The following CNTN5 variants were observed in gnomAD, a reference collection of about 807,000 sequenced individuals.
The protein encoded by CNTN5 is contactin-5.
Under a neutral mutation model 129.1 loss-of-function variants are expected in CNTN5, and 77 were observed. The observed-to-expected ratio is 0.60, with a 90% CI of 0.50 to 0.72. The LOEUF (loss-of-function observed/expected upper bound fraction) is 0.72. Among genes scored for constraint, CNTN5 ranks in the 30% least tolerant of loss-of-function variants. The pLI is 0.00. For synonymous variants in CNTN5, 509 were observed against 465.6 expected (o/e 1.09, Z -1.20); for missense variants, 1,478 against 1,328.8 (o/e 1.11, Z -1.75).
intron 2 of CNTN5, among the ~76,000 whole-genome samples, chr11:99,482,489 G>A (rs1251954860): frequency 6.6e-6 from 1 of 152,122 alleles, no homozygotes; most frequent in Non-Finnish European, 1.5e-5. Flanking sequence ...AGTTACTTTT[G>A]TATGTAACTT....
intron 1 of CNTN5, among the ~76,000 whole-genome samples, chr11:99,282,160 A>C (rs910499456): frequency 6.6e-6 from 1 of 152,100 alleles, no homozygotes; most frequent in Admixed American, 6.6e-5. Flanking sequence ...ACTCAGTACA[A>C]TTTTTCCTAC....
chr11:99,151,080 T>A (rs1860028730), intron 1 of CNTN5, among the ~76,000 whole-genome samples: 1 of 152,192 alleles, frequency 6.6e-6, no homozygotes, highest in Non-Finnish European at 1.5e-5. Flanking sequence ...ATATTTATAC[T>A]TATTTAGAAG....
intron 13 of CNTN5, among the ~76,000 whole-genome samples, chr11:100,119,215 C>G (rs1004204858): frequency 1.3e-5 from 2 of 151,878 alleles, no homozygotes; most frequent in Non-Finnish European, 2.9e-5. Context: ...CACACGATTG[C>G]TGTATTCTCA....
At chr11:100,044,736 G>A (rs1270331791) in intron 9 of CNTN5, among the ~76,000 whole-genome samples, 1 of 151,352 alleles carries the variant, frequency 6.6e-6, no homozygotes, top group African/African-American at 2.4e-5. Flanking sequence ...TCAGCCCTCT[G>A]TCAGATGCAT....
intron 1 of CNTN5, among the ~76,000 whole-genome samples, chr11:99,032,082 A>C (rs998402050): frequency 2.4e-4 from 36 of 151,904 alleles, no homozygotes; most frequent in African/African-American, 7.5e-4. Context: ...CACGTCCCTA[A>C]AAAGGACATG....
chr11:99,392,065 T>C (rs72987808), intron 2 of CNTN5, among the ~76,000 whole-genome samples: 18 of 152,042 alleles, frequency 1.2e-4, no homozygotes, highest in Admixed American at 2.0e-4. Flanking sequence ...TCTTAGTTAA[T>C]TGTCTGTGAG....
At chr11:99,578,608 T>G (rs1030389392) in intron 3 of CNTN5, among the ~76,000 whole-genome samples, 18 of 149,994 alleles carry the variant, frequency 1.2e-4, no homozygotes, top group Admixed American at 6.0e-4. Context: ...CATGTGTTTT[T>G]TGGCTGCATA....
chr11:100,061,044 T>A (rs1299445909), intron 9 of CNTN5, among the ~76,000 whole-genome samples, 168 bp from the exon 10 acceptor site: 1 of 83,966 alleles, frequency 1.2e-5, no homozygotes, highest in Non-Finnish European at 2.4e-5. Flanking sequence ...ATAATCTACT[T>A]CCCAGACAAC....
At chr11:100,022,456 T>C (rs1941212070) in intron 9 of CNTN5, among the ~76,000 whole-genome samples, 1 of 152,236 alleles carries the variant, frequency 6.6e-6, no homozygotes, top group Non-Finnish European at 1.5e-5. Context: ...GTGTATTTTA[T>C]TCTATTTTAT....
chr11:99,584,645 A>C lies in CNTN5; in HGVS notation c.55+28376A>C, dbSNP rs143866063. On this transcript the variant is annotated intron_variant, in intron 3 of 24. Coordinates refer to ENST00000524871, the MANE Select transcript of CNTN5 (RefSeq NM_014361.4). ...ATTATTAAATAAAACCCTTAAATAC[A>C]CATATGTTAGTAATTTGTGTGACAA... is the stretch of plus-strand genomic sequence containing the variant. Among the ~76,000 whole-genome samples the C allele has an allele frequency of 4.9e-3, 741 of 152,304 alleles. 28 individuals are homozygous for C. Among genetic ancestry groups the C allele is most frequent in the Admixed American group, 0.044 (674 of 15,292 alleles).
intron 1 of CNTN5, among the ~76,000 whole-genome samples, chr11:99,063,241 C>T (rs1183529245): frequency 1.3e-5 from 2 of 152,034 alleles, no homozygotes; most frequent in East Asian, 1.9e-4. Context: ...ACGATAAATA[C>T]ATGGCATCAT....
At chr11:99,635,425 G>A (rs1347178819) in intron 3 of CNTN5, among the ~76,000 whole-genome samples, 2 of 152,068 alleles carry the variant, frequency 1.3e-5, no homozygotes, top group Non-Finnish European at 2.9e-5. Context: ...TAAACAGCCT[G>A]GACAGCGTAG....
chr11:99,524,080 G>C (rs1947393246), intron 2 of CNTN5, among the ~76,000 whole-genome samples: 1 of 151,936 alleles, frequency 6.6e-6, no homozygotes, highest in Non-Finnish European at 1.5e-5. Context: ...ACCTATAAAA[G>C]TAAAAAAATG....
intron 1 of CNTN5, among the ~76,000 whole-genome samples, chr11:99,073,191 T>A (rs1865408233): frequency 6.6e-6 from 1 of 150,826 alleles, no homozygotes; most frequent in Admixed American, 6.6e-5. Flanking sequence ...TTCTTGTAAA[T>A]TTTTTTTTGG....
chr11:99,785,706 C>A (rs1945495831), intron 3 of CNTN5, among the ~76,000 whole-genome samples: 1 of 152,112 alleles, frequency 6.6e-6, no homozygotes, highest in East Asian at 1.9e-4. Context: ...ATATACAAAT[C>A]AATAAACATA....
intron 2 of CNTN5, among the ~76,000 whole-genome samples, chr11:99,409,481 A>C (rs1022753816): frequency 6.6e-6 from 1 of 152,374 alleles, no homozygotes; most frequent in South Asian, 2.1e-4. Flanking sequence ...AAAAATAAAA[A>C]AATAAATAAA....
chr11:99,967,191 G>A (rs1487970900), intron 8 of CNTN5, among the ~76,000 whole-genome samples: 2 of 152,122 alleles, frequency 1.3e-5, no homozygotes, highest in Non-Finnish European at 2.9e-5. Flanking sequence ...AAAATGCAAG[G>A]CTATACGAAG....
At chr11:99,929,440 C>T (rs1950140583) in intron 7 of CNTN5, among the ~76,000 whole-genome samples, 1 of 152,168 alleles carries the variant, frequency 6.6e-6, no homozygotes, top group African/African-American at 2.4e-5. Context: ...TGTAATAGTC[C>T]ATTCTCATGC....
chr11:99,886,375 T>A (rs1379046815), intron 6 of CNTN5, among the ~76,000 whole-genome samples: 5 of 152,130 alleles, frequency 3.3e-5, no homozygotes, highest in Admixed American at 3.3e-4. Context: ...TTTTATGAAA[T>A]AGTCAATGCA....
Sources: allele counts gnomAD v4.1 joint callset (sites outside exome capture counted in the v4.1 genomes callset), GRCh38; gene constraint gnomAD v4.1.1; transcripts MANE v1.5; gene names NCBI Gene and HGNC (gene_info 2026-07-23, HGNC 2026-07-21).